The following IFI16 variants were observed in gnomAD, a reference collection of about 807,000 sequenced individuals.
The protein encoded by IFI16 is gamma-interferon-inducible protein 16.
IFI16 carries 49 observed loss-of-function variants against 68.4 expected under a neutral mutation model. The ratio of observed to expected loss-of-function variants is 0.72; its 90% confidence interval spans 0.57 to 0.91. The LOEUF is 0.91. Ranked by LOEUF, IFI16 falls within the 40% of genes least tolerant of loss-of-function variation. The pLI is 0.00. For missense variants in IFI16, 878 were observed against 942.9 expected (o/e 0.93, Z 0.90); for synonymous variants, 307 against 315.0 (o/e 0.97, Z 0.27).
At chr1:159,047,486 G>C (rs1655066855) in intron 8 of IFI16, among the ~76,000 whole-genome samples, 2 of 148,150 alleles carry the variant, frequency 1.3e-5, no homozygotes, top group Non-Finnish European at 3.0e-5. Flanking sequence ...CAACTACTCT[G>C]TCCATGCATA....
Position 159,051,758 on chromosome 1 carries a change from T to A in IFI16, c.1745T>A (p.Val582Glu), listed in dbSNP as rs1557883781. 3.7e-6 allele frequency: 6 copies of A among 1,614,040 alleles called. No individual in the cohort carries two copies. Among genetic ancestry groups the A allele is most frequent in the Non-Finnish European group, 3.4e-6 (4 of 1,179,908 alleles). Residue 582 changes from valine (V) to glutamate (E), a missense_variant, in exon 10 of 12, where the codon GTG becomes GAG. Coordinates refer to ENST00000295809, the MANE Select transcript of IFI16 (RefSeq NM_001376587.1). ...CAGAGTGACCTCAAAGAAGTGATGG[T>A]GCTGAACGCAACAGAATCATTTGTA... Reference protein sequence around the residue: ...SAQSDLKEVMVLNATESFVYE... With the variant: ...SAQSDLKEVMELNATESFVYE...
In IFI16 at chr1:159,032,533, A is replaced by G; in HGVS notation, c.1171A>G (p.Lys391Glu). The change falls in exon 7 of 12, where the codon AAA (lysine) becomes GAA (glutamate). Residue 391 changes from lysine to glutamate, a missense_variant. By Grantham distance (56) the Lys-to-Glu change is moderately conservative. Around this residue, in one of 4 missense-constraint regions of IFI16, gnomAD observed 443 missense variants for 421.8 expected, o/e 1.05. Transcript: ENST00000295809. Reference protein sequence around the residue: ...EMHSFIQIKKKTNPRNNDPKS... With the variant: ...EMHSFIQIKKETNPRNNDPKS... Reference sequence around the variant, plus strand: ...AAATGAATACTTTCAGATAAAGAAAAAAACAAACCCGAGAAACAATGACCC... The same window carrying G: ...AAATGAATACTTTCAGATAAAGAAAGAAACAAACCCGAGAAACAATGACCC... 1.3e-6 allele frequency: 2 copies of G among 1,576,104 alleles called. No homozygotes were observed. Among genetic ancestry groups the G allele is most frequent in the East Asian group, 2.3e-5 (1 of 44,182 alleles).
At chr1:159,051,317 C>A (rs1203663308) in intron 9 of IFI16, among the ~76,000 whole-genome samples, 2 of 152,100 alleles carry the variant, frequency 1.3e-5, no homozygotes, top group East Asian at 3.9e-4. Context: ...AACTGAGATT[C>A]TTCTAAAATC....
intron 9 of IFI16, among the ~76,000 whole-genome samples, chr1:159,050,468 G>T (rs531723773): frequency 6.6e-6 from 1 of 152,266 alleles, no homozygotes; most frequent in Non-Finnish European, 1.5e-5. Flanking sequence ...TTGGGAATGG[G>T]TTTCCTAATG....
At chr1:159,051,614 C>T (rs1655360600) in intron 9 of IFI16, 65 bp from the exon 10 acceptor site, 4 of 1,307,024 alleles carry the variant, frequency 3.1e-6, no homozygotes, top group South Asian at 1.4e-5. Flanking sequence ...AGATGACTCT[C>T]ACTAGAGAAT....
chr1:159,022,469 C>T (rs2101838279), intron 6 of IFI16, among the ~76,000 whole-genome samples: 1 of 152,322 alleles, frequency 6.6e-6, no homozygotes, highest in East Asian at 1.9e-4. Flanking sequence ...CGCGGCCACC[C>T]TCCTGCTGCG....
rs149455667 is a variant in IFI16 at position 159,053,692 on chromosome 1, G to C, written c.2245G>C (p.Glu749Gln). 1 of 1,613,882 alleles carries C rather than the reference G, an allele frequency of 6.2e-7. No homozygotes were observed. Among genetic ancestry groups the C allele is most frequent in the Non-Finnish European group, 8.5e-7 (1 of 1,179,850 alleles). ...GGCACCGAAAAGTGGGAATACCGGG[G>C]AGTTGAGATCTGTAATTCATAGTCA... ...ELAPKSGNTG[E>Q]LRSVIHSHIK... Residue 749 changes from glutamate to glutamine, a missense_variant, in exon 11 of 12, where the codon GAG becomes CAG. By Grantham distance (29) the Glu-to-Gln change is conservative. Around this residue, in one of 4 missense-constraint regions of IFI16, gnomAD observed 311 missense variants for 305.1 expected, o/e 1.02. Transcript: ENST00000295809.
chr1:159,006,913 G>T (rs1027954868), upstream of IFI16, among the ~76,000 whole-genome samples: 2 of 151,980 alleles, frequency 1.3e-5, no homozygotes. Flanking sequence ...GTGTTATTTC[G>T]CATTTCTGAC....
chr1:159,001,278 A>C (rs1181196725), upstream of IFI16, among the ~76,000 whole-genome samples: 5 of 152,222 alleles, frequency 3.3e-5, no homozygotes, highest in Non-Finnish European at 7.3e-5. Flanking sequence ...TTACTTTAAA[A>C]GTAGCAACCT....
In IFI16 at chr1:159,018,168, T is replaced by G. The variant is rs1029932815; in HGVS notation, c.550-61T>G. 1.9e-5 allele frequency: 27 copies of G among 1,410,400 alleles called. 1 individual carries two copies. In the Admixed American group the frequency reaches 4.8e-4, roughly 25 times the overall value. The allele number at this position is 1,410,400 out of a possible 1,614,324, so 87.4% of individuals were successfully genotyped here. A position where few individuals can be genotyped will look rare whatever the true frequency, so the allele number is the denominator to read the frequency against. Reference sequence around the variant, plus strand: ...CCTGTGTTATACTGAGGTCACTGAATAGCAGTTCTGTATTTCTCAATTAGA... The same window carrying G: ...CCTGTGTTATACTGAGGTCACTGAAGAGCAGTTCTGTATTTCTCAATTAGA... On this transcript the variant is annotated intron_variant, in intron 4 of 11. Coordinates refer to ENST00000295809, the MANE Select transcript of IFI16 (RefSeq NM_001376587.1).
At chr1:159,000,148 C>T (rs1652002567) in exon 1 of IFI16, 2 of 182,006 alleles carry the variant, frequency 1.1e-5, no homozygotes. Context: ...AGACACCATG[C>T]CAGCGTTTTA....
intron 7 of IFI16, among the ~76,000 whole-genome samples, chr1:159,044,068 C>T (rs182908185): frequency 2.6e-5 from 4 of 152,158 alleles, no homozygotes; most frequent in South Asian, 2.1e-4. Context: ...ATAATAGCAA[C>T]AAAGATTTAT....
chr1:159,049,411 C>G, intron 8 of IFI16, 21 bp from the exon 9 acceptor site: 1 of 1,155,920 alleles, frequency 8.7e-7, no homozygotes, highest in African/African-American at 1.6e-5. Context: ...AAAAAAAGAA[C>G]AAACATCTAT....
At chr1:159,025,590 G>A (rs1451229446) in intron 6 of IFI16, among the ~76,000 whole-genome samples, 4 of 152,102 alleles carry the variant, frequency 2.6e-5, no homozygotes, top group Non-Finnish European at 4.4e-5. Flanking sequence ...TTTGTCAGAT[G>A]CATAGTTTGT....
intron 6 of IFI16, among the ~76,000 whole-genome samples, chr1:159,027,577 T>A (rs193083379): frequency 1.3e-5 from 2 of 148,216 alleles, no homozygotes; most frequent in African/African-American, 5.3e-5. Flanking sequence ...TCTTTCTCTA[T>A]CTTGTGAAAT....
upstream of IFI16, among the ~76,000 whole-genome samples, chr1:159,004,487 T>C (rs1317162876): frequency 6.6e-6 from 1 of 152,082 alleles, no homozygotes; most frequent in East Asian, 1.9e-4. Flanking sequence ...GGTGGGTCAC[T>C]TGAGATCAGG....
chr1:159,026,457 C>T (rs539486183), intron 6 of IFI16, among the ~76,000 whole-genome samples: 2 of 152,070 alleles, frequency 1.3e-5, no homozygotes, highest in Non-Finnish European at 2.9e-5. Context: ...TGCCACCACG[C>T]CTGGCTAATT....
At chr1:159,040,214 A>G (rs555518383) in intron 7 of IFI16, among the ~76,000 whole-genome samples, 14 of 152,254 alleles carry the variant, frequency 9.2e-5, no homozygotes, top group Non-Finnish European at 1.9e-4. Flanking sequence ...CATATGAGGC[A>G]TATAATAATT....
intron 6 of IFI16, among the ~76,000 whole-genome samples, chr1:159,031,856 G>T (rs1049411938): frequency 6.6e-6 from 1 of 152,148 alleles, no homozygotes. Flanking sequence ...AATATTTGAA[G>T]AAATTAGGAG....
Sources: allele counts gnomAD v4.1 joint callset (sites outside exome capture counted in the v4.1 genomes callset), GRCh38; gene constraint gnomAD v4.1.1; regional missense constraint gnomAD v4.1.1; transcripts MANE v1.5; gene names NCBI Gene and HGNC (gene_info 2026-07-23, HGNC 2026-07-21).